OR51B5: variants seen among roughly 807,000 people sequenced by gnomAD.
OR51B5 encodes olfactory receptor 51B5.
For synonymous variants in OR51B5, 186 were observed against 144.8 expected (o/e 1.28, Z -2.04); for missense variants, 456 against 374.6 (o/e 1.22, Z -1.79).
intron 1 of OR51B5, among the ~76,000 whole-genome samples, chr11:5,416,856 G>A (rs1850252710): frequency 6.6e-6 from 1 of 152,018 alleles, no homozygotes; most frequent in Middle Eastern, 3.4e-3. Context: ...TACTGCCCAA[G>A]GTAATTTACA....
chr11:5,457,079 GAATT>G (rs1183357946), intron 1 of OR51B5, among the ~76,000 whole-genome samples: 4 of 152,152 alleles, frequency 2.6e-5, no homozygotes, highest in African/African-American at 9.7e-5. Flanking sequence ...ATGTGAAAAT[GAATT>G]AATACAGCAT....
intron 1 of OR51B5, among the ~76,000 whole-genome samples, chr11:5,487,699 T>C (rs1851517805): frequency 6.6e-6 from 1 of 152,172 alleles, no homozygotes; most frequent in Non-Finnish European, 1.5e-5. Flanking sequence ...GGGTGGTAAA[T>C]CCAGAATACC....
At chr11:5,379,541 T>C (rs1199282724) in intron 1 of OR51B5, among the ~76,000 whole-genome samples, 1 of 143,106 alleles carries the variant, frequency 7.0e-6, no homozygotes, top group East Asian at 1.9e-4. Context: ...TTTCCTCTAA[T>C]AATTTTCTTG....
intron 1 of OR51B5, chr11:5,440,482 T>C (rs1234545282): frequency 3.7e-6 from 3 of 820,060 alleles, no homozygotes; most frequent in Non-Finnish European, 5.9e-6. Flanking sequence ...AGATCCTGGG[T>C]CCTCTTCATC....
At chr11:5,447,883 G>C (rs959262601) in intron 1 of OR51B5, among the ~76,000 whole-genome samples, 2 of 152,112 alleles carry the variant, frequency 1.3e-5, no homozygotes, top group African/African-American at 2.4e-5. Context: ...GAATTAGCCA[G>C]ATAAGTCTCC....
chr11:5,375,738 A>G, intron 1 of OR51B5, among the ~76,000 whole-genome samples: 1 of 152,208 alleles, frequency 6.6e-6, no homozygotes, highest in Non-Finnish European at 1.5e-5. Context: ...TGGTAAAGGG[A>G]TCAATTCAAC....
intron 1 of OR51B5, among the ~76,000 whole-genome samples, chr11:5,404,222 T>A (rs1433913535): frequency 1.3e-5 from 2 of 151,800 alleles, no homozygotes; most frequent in African/African-American, 4.8e-5. Context: ...CTAAGGATTG[T>A]AAATGCACCA....
chr11:5,476,725 T>C (rs573811826), intron 1 of OR51B5, among the ~76,000 whole-genome samples: 2 of 152,330 alleles, frequency 1.3e-5, no homozygotes, highest in Non-Finnish European at 2.9e-5. Context: ...TTCTTTGACT[T>C]ACTAGTTGTG....
intron 1 of OR51B5, among the ~76,000 whole-genome samples, chr11:5,368,550 C>T (rs934859476): frequency 6.6e-6 from 1 of 152,102 alleles, no homozygotes; most frequent in African/African-American, 2.4e-5. Flanking sequence ...CTAGCTCTGA[C>T]AAAGAAAATA....
upstream of OR51B5, among the ~76,000 whole-genome samples, chr11:5,344,553 TTAGTCCTTTGAGAAGGTTTTAA>T (rs113612346): frequency 0.29 from 44,466 of 151,872 alleles, 7,157 homozygotes; most frequent in Non-Finnish European, 0.37. Context: ...AGAGAAGAGA[TTAGTCCTTTGAGAAGGTTTTAA>T]TATTCCTTCT....
intron 1 of OR51B5, among the ~76,000 whole-genome samples, chr11:5,424,610 C>G (rs1850414427): frequency 1.3e-5 from 2 of 151,986 alleles, no homozygotes. Context: ...TTTCAGCCTT[C>G]AGGCTGTTAT....
chr11:5,358,065 C>A (rs1267424432), intron 1 of OR51B5, among the ~76,000 whole-genome samples: 1 of 151,738 alleles, frequency 6.6e-6, no homozygotes, highest in Non-Finnish European at 1.5e-5. Flanking sequence ...GACACCCTAA[C>A]ATCACAATTA....
At chr11:5,486,300 T>G (rs1440527336) in intron 1 of OR51B5, among the ~76,000 whole-genome samples, 2 of 152,170 alleles carry the variant, frequency 1.3e-5, no homozygotes, top group African/African-American at 4.8e-5. Flanking sequence ...TACTTCTGCA[T>G]TTTGTTTGCT....
At position 5,363,237 on chromosome 11, in the gene OR51B5, TCACACACACACACACACACACACA is replaced by T. The variant is rs3219794; in HGVS notation, n.85-16351_85-16328del. Among the ~76,000 whole-genome samples, 124 of 143,090 alleles carry T rather than the reference TCACACACACACACACACACACACA, an allele frequency of 8.7e-4. 1 individual carries two copies. The highest frequency in any genetic ancestry group is 2.6e-3 in the South Asian group (11 of 4,296). 93.9% of individuals were successfully genotyped at this position (143,090 alleles called of 152,430 possible). Reference sequence around the variant, plus strand: ...GTTTCCCCACAACGAACCCAACCCCTCACACACACACACACACACACACACACACACACACACACACACACACAC... The same window carrying T: ...GTTTCCCCACAACGAACCCAACCCCTCACACACACACACACACACACACAC... On this transcript the variant is annotated intron_variant and non_coding_transcript_variant, in intron 1 of 4. Coordinates refer to the OR51B5 transcript ENST00000415970.
chr11:5,362,604 G>T, intron 1 of OR51B5: 1 of 148,776 alleles, frequency 6.7e-6, no homozygotes, highest in South Asian at 1.8e-4. Context: ...GGCTTAGCCT[G>T]CTGGGGCAAA....
At chr11:5,386,826 G>T (rs1043851779) in intron 1 of OR51B5, among the ~76,000 whole-genome samples, 1 of 130,544 alleles carries the variant, frequency 7.7e-6, no homozygotes, top group Non-Finnish European at 1.7e-5. Flanking sequence ...GAGGGAGAGG[G>T]TTGAGTAGAG....
intron 1 of OR51B5, among the ~76,000 whole-genome samples, chr11:5,409,448 G>T (rs527833862): frequency 1.3e-5 from 2 of 151,940 alleles, no homozygotes; most frequent in African/African-American, 4.8e-5. Flanking sequence ...ATGAAATAAT[G>T]GAAAAATTCA....
intron 1 of OR51B5, among the ~76,000 whole-genome samples, chr11:5,492,049 T>C (rs1235235900): frequency 6.6e-6 from 1 of 152,174 alleles, no homozygotes; most frequent in Non-Finnish European, 1.5e-5. Context: ...GTAAATTTGT[T>C]CCTTTATCCC....
At chr11:5,454,283 G>T in intron 1 of OR51B5, 3 of 1,614,160 alleles carry the variant, frequency 1.9e-6, no homozygotes, top group Non-Finnish European at 2.5e-6. Context: ...ACCGCTTTGG[G>T]AAGCATGTCC....
Sources: gnomAD v4.1 joint callset for allele counts (sites outside exome capture counted in the v4.1 genomes callset) on GRCh38, gnomAD v4.1.1 for gene constraint, MANE v1.5 for transcripts, NCBI Gene and HGNC (gene_info 2026-07-23, HGNC 2026-07-21) for gene names.